Variants in TLL2 observed in about 807,000 individuals in gnomAD.
TLL2 encodes the protein tolloid-like protein 2.
In TLL2, 106 loss-of-function variants were observed where a neutral mutation model predicts 123.0. That is an observed-to-expected ratio of 0.86 (90% CI 0.74 to 1.01). TLL2 has a LOEUF of 1.01. Ranked by LOEUF, TLL2 falls within the 50% of genes least tolerant of loss-of-function variation. The pLI, the probability that TLL2 is intolerant of heterozygous loss-of-function variation, is 0.00. For missense variants in TLL2, 1,332 were observed against 1,336.7 expected (o/e 1.00, Z 0.06); for synonymous variants, 494 against 516.8 (o/e 0.96, Z 0.60).
At chr10:96,484,737 T>C (rs9325483) in intron 1 of TLL2, among the ~76,000 whole-genome samples, 15,152 of 152,168 alleles carry the variant, frequency 0.1, 816 homozygotes, top group Non-Finnish European at 0.12. Context: ...CCAAGCCCTG[T>C]ACTCGACACA....
Position 96,422,745 on chromosome 10 carries a change from T to C in TLL2, c.639-18A>G, listed in dbSNP as rs374826445. The C allele has an allele frequency of 1.5e-5, 24 of 1,613,758 alleles. No homozygotes were observed. Among genetic ancestry groups the C allele is most frequent in the Non-Finnish European group, 1.9e-5 (23 of 1,179,948 alleles). ...AGCAACAGCTGGACAATTGCAGGAATACCCAGGTCAGCAGGTCAGAAGACA... is the reference window on the plus strand; with the variant it reads ...AGCAACAGCTGGACAATTGCAGGAACACCCAGGTCAGCAGGTCAGAAGACA... On this transcript the variant is annotated intron_variant, in intron 5 of 20. Transcript: ENST00000357947.
intron 10 of TLL2, among the ~76,000 whole-genome samples, chr10:96,400,295 C>T (rs1456039620): frequency 1.4e-5 from 2 of 145,880 alleles, no homozygotes; most frequent in Admixed American, 1.4e-4. Context: ...AGGATTTGAA[C>T]CAGAGCAGTC....
chr10:96,383,328 C>T (rs1306859018), intron 16 of TLL2, among the ~76,000 whole-genome samples: 1 of 152,180 alleles, frequency 6.6e-6, no homozygotes, highest in Admixed American at 6.5e-5. Flanking sequence ...TTGGCAGTGT[C>T]CCTACCCAAA....
chr10:96,431,116 A>G (rs180698323), intron 4 of TLL2, among the ~76,000 whole-genome samples: 3 of 152,248 alleles, frequency 2.0e-5, no homozygotes, highest in Non-Finnish European at 2.9e-5. Flanking sequence ...ATCTTTGGTC[A>G]GAAAAGCACA....
Position 96,370,062 on chromosome 10 carries a change from T to C in TLL2, c.2913+3A>G. 1.3e-6 allele frequency: 2 copies of C among 1,579,660 alleles called. No homozygotes were observed. Among genetic ancestry groups the C allele is most frequent in the Non-Finnish European group, 8.6e-7 (1 of 1,162,982 alleles). On this transcript the variant is annotated splice_donor_region_variant and intron_variant, in intron 20 of 20. Coordinates refer to ENST00000357947, the MANE Select transcript of TLL2 (RefSeq NM_012465.4). ...CCCCGGCCCCAGCGTCTCCGGGACTTACCCCAGAGCCACAGAAGCGGCCGA... is the reference window on the plus strand; with the variant it reads ...CCCCGGCCCCAGCGTCTCCGGGACTCACCCCAGAGCCACAGAAGCGGCCGA...
chr10:96,511,124 G>A (rs1847625633), intron 1 of TLL2, among the ~76,000 whole-genome samples: 1 of 152,214 alleles, frequency 6.6e-6, no homozygotes. Flanking sequence ...CCCTGAGGCA[G>A]GTCCTAAAAG....
chr10:96,379,627 G>T (rs755083446), intron 16 of TLL2, among the ~76,000 whole-genome samples: 3 of 152,118 alleles, frequency 2.0e-5, no homozygotes, highest in Non-Finnish European at 4.4e-5. Context: ...TTCGAGACCA[G>T]CCTGGCCAAA....
chr10:96,469,220 A>G (rs189084850), intron 2 of TLL2, among the ~76,000 whole-genome samples: 1 of 152,290 alleles, frequency 6.6e-6, no homozygotes, highest in Non-Finnish European at 1.5e-5. Context: ...TCTCAGCAGC[A>G]CACTACCCTT....
At chr10:96,487,522 G>A (rs1231505855) in intron 1 of TLL2, among the ~76,000 whole-genome samples, 1 of 152,158 alleles carries the variant, frequency 6.6e-6, no homozygotes, top group Admixed American at 6.5e-5. Context: ...TACTGAGGCA[G>A]CACACGCCAG....
At chr10:96,426,543 T>C (rs1282996383) in intron 5 of TLL2, among the ~76,000 whole-genome samples, 2 of 152,200 alleles carry the variant, frequency 1.3e-5, no homozygotes, top group Non-Finnish European at 2.9e-5. Flanking sequence ...TCTGGTGCTT[T>C]GTGGGAGATG....
intron 13 of TLL2, among the ~76,000 whole-genome samples, chr10:96,394,368 T>A (rs1224556680): frequency 6.6e-6 from 1 of 152,194 alleles, no homozygotes; most frequent in African/African-American, 2.4e-5. Context: ...GGTGTGGTCT[T>A]CAGGGCTTTC....
At chr10:96,412,043 G>C (rs1846512476) in intron 8 of TLL2, among the ~76,000 whole-genome samples, 1 of 152,182 alleles carries the variant, frequency 6.6e-6, no homozygotes, top group South Asian at 2.1e-4. Flanking sequence ...GAAGTGAGCA[G>C]CATAAATGTT....
intron 9 of TLL2, among the ~76,000 whole-genome samples, chr10:96,405,973 G>T (rs1846445740): frequency 6.6e-6 from 1 of 152,210 alleles, no homozygotes; most frequent in Non-Finnish European, 1.5e-5. Context: ...GGGAAAGGCA[G>T]ATGGGCCAAG....
intron 13 of TLL2, among the ~76,000 whole-genome samples, chr10:96,390,145 G>A (rs1564896771): frequency 1.3e-5 from 2 of 152,260 alleles, no homozygotes; most frequent in Non-Finnish European, 2.9e-5. Flanking sequence ...TCTTCTCATG[G>A]TCCAGGTGGA....
chr10:96,370,352 A>C, intron 19 of TLL2, 37 bp from the exon 20 acceptor site: 8 of 1,518,966 alleles, frequency 5.3e-6, no homozygotes, highest in Non-Finnish European at 7.1e-6. Context: ...CCTCAGCACA[A>C]GACACCCTCG....
chr10:96,495,644 A>C (rs1032504022), intron 1 of TLL2, among the ~76,000 whole-genome samples: 2 of 152,070 alleles, frequency 1.3e-5, no homozygotes, highest in African/African-American at 4.8e-5. Context: ...CATGACCCTA[A>C]ATTTCAGGAC....
intron 3 of TLL2, among the ~76,000 whole-genome samples, chr10:96,436,872 G>C (rs1279467214): frequency 3.3e-5 from 5 of 152,102 alleles, no homozygotes; most frequent in East Asian, 3.9e-4. Context: ...TTTTTGTAGA[G>C]AGTTGGTTTC....
chr10:96,448,344 C>T (rs79704120), intron 2 of TLL2, among the ~76,000 whole-genome samples: 1,595 of 152,314 alleles, frequency 0.01, 29 homozygotes, highest in African/African-American at 0.034. Flanking sequence ...CTCTCAGCAG[C>T]AGACAAATGT....
chr10:96,377,003 G>A (rs1489561500), intron 17 of TLL2, among the ~76,000 whole-genome samples, 184 bp from the exon 18 acceptor site: 1 of 152,232 alleles, frequency 6.6e-6, no homozygotes, highest in Non-Finnish European at 1.5e-5. Flanking sequence ...ACTTGCACTG[G>A]CTTTTCTGCC....
Sources: allele counts gnomAD v4.1 joint callset (sites outside exome capture counted in the v4.1 genomes callset), GRCh38; gene constraint gnomAD v4.1.1; transcripts MANE v1.5; gene names NCBI Gene and HGNC (gene_info 2026-07-23, HGNC 2026-07-21).